Variants in NAALADL2 observed in about 807,000 individuals in gnomAD.
NAALADL2 encodes the protein inactive N-acetylated-alpha-linked acidic dipeptidase-like protein 2.
Under a neutral mutation model 87.2 loss-of-function variants are expected in NAALADL2, and 76 were observed. That is an observed-to-expected ratio of 0.87 (90% confidence interval 0.72 to 1.05). The LOEUF is 1.05. Ranked by LOEUF, NAALADL2 falls within the 50% of genes least tolerant of loss-of-function variation. NAALADL2 has a pLI of 0.00. For missense variants in NAALADL2, 1,089 were observed against 945.8 expected (o/e 1.15, Z -1.99); for synonymous variants, 354 against 331.0 (o/e 1.07, Z -0.75).
intron 4 of NAALADL2, among the ~76,000 whole-genome samples, chr3:175,283,249 G>A (rs1328799407): frequency 6.6e-6 from 1 of 152,070 alleles, no homozygotes; most frequent in Non-Finnish European, 1.5e-5. Flanking sequence ...CGTTTACCGA[G>A]TGACCAGGTA....
chr3:174,770,493 A>C (rs1714395202), intron 3 of NAALADL2, among the ~76,000 whole-genome samples: 1 of 152,208 alleles, frequency 6.6e-6, no homozygotes, highest in Non-Finnish European at 1.5e-5. Flanking sequence ...AAGCAATGCA[A>C]AATGCGAGCT....
chr3:175,578,230 T>C (rs755657487), intron 10 of NAALADL2, among the ~76,000 whole-genome samples: 41 of 152,100 alleles, frequency 2.7e-4, no homozygotes, highest in Non-Finnish European at 5.4e-4. Flanking sequence ...GTTTGATACC[T>C]GGGCAACACG....
intron 13 of NAALADL2, among the ~76,000 whole-genome samples, chr3:175,781,400 T>C (rs570158148): frequency 3.1e-4 from 47 of 152,282 alleles, no homozygotes; most frequent in African/African-American, 1.1e-3. Context: ...GAACAATGCA[T>C]GACTCATGTG....
intron 1 of NAALADL2, among the ~76,000 whole-genome samples, chr3:174,963,471 T>A (rs1742422879): frequency 6.6e-6 from 1 of 152,078 alleles, no homozygotes; most frequent in Non-Finnish European, 1.5e-5. Flanking sequence ...TAGATGCATG[T>A]TTCACTCTTT....
intron 1 of NAALADL2, among the ~76,000 whole-genome samples, chr3:174,955,188 A>G (rs958299413): frequency 6.6e-6 from 1 of 152,028 alleles, no homozygotes; most frequent in Non-Finnish European, 1.5e-5. Context: ...CTTATACATA[A>G]ACTTTTCTTG....
intron 1 of NAALADL2, among the ~76,000 whole-genome samples, chr3:174,977,227 G>A (rs938928423): frequency 1.3e-4 from 20 of 152,128 alleles, no homozygotes; most frequent in Admixed American, 3.3e-4. Flanking sequence ...GTTTCCGGGG[G>A]CTGGAGGCAG....
At chr3:174,541,807 G>T (rs1171849061) in intron 1 of NAALADL2, among the ~76,000 whole-genome samples, 6 of 152,200 alleles carry the variant, frequency 3.9e-5, no homozygotes, top group African/African-American at 1.4e-4. Context: ...TGCTGATGAT[G>T]CAGGGCAGAT....
At chr3:175,692,715 C>T (rs114603552) in intron 11 of NAALADL2, among the ~76,000 whole-genome samples, 30 of 152,072 alleles carry the variant, frequency 2.0e-4, no homozygotes, top group Non-Finnish European at 3.7e-4. Flanking sequence ...CAGCTGAGAA[C>T]TTGAAGATAA....
chr3:175,474,249 C>T (rs377724747), intron 9 of NAALADL2, among the ~76,000 whole-genome samples: 1 of 152,086 alleles, frequency 6.6e-6, no homozygotes, highest in Non-Finnish European at 1.5e-5. Flanking sequence ...CAAAAGATTT[C>T]ATCAAGTTCA....
chr3:174,741,566 G>A (rs1031622387), intron 3 of NAALADL2, among the ~76,000 whole-genome samples: 2 of 151,350 alleles, frequency 1.3e-5, no homozygotes, highest in African/African-American at 2.4e-5. Context: ...CAGAGGACAA[G>A]CTTGTAGCGG....
intron 2 of NAALADL2, among the ~76,000 whole-genome samples, chr3:174,562,733 T>C (rs1034151506): frequency 3.3e-5 from 5 of 151,994 alleles, no homozygotes; most frequent in African/African-American, 1.2e-4. Flanking sequence ...TACAATTTTG[T>C]TTGGCATCTT....
intron 1 of NAALADL2, among the ~76,000 whole-genome samples, chr3:175,089,990 G>C (rs113932630): frequency 1.3e-5 from 2 of 152,020 alleles, no homozygotes; most frequent in African/African-American, 4.8e-5. Flanking sequence ...GTTTGTGACT[G>C]TATTTATCTC....
intron 2 of NAALADL2, among the ~76,000 whole-genome samples, chr3:175,103,427 G>A (rs1469695773): frequency 6.6e-6 from 1 of 151,946 alleles, no homozygotes; most frequent in Non-Finnish European, 1.5e-5. Context: ...CTTTACCATT[G>A]ACACTATTTG....
intron 2 of NAALADL2, among the ~76,000 whole-genome samples, chr3:175,190,115 A>T (rs1737922421): frequency 6.6e-6 from 1 of 151,860 alleles, no homozygotes; most frequent in South Asian, 2.1e-4. Flanking sequence ...GGAAGAGTAC[A>T]TAGGGGAAAA....
At chr3:175,338,339 C>A (rs906240511) in intron 5 of NAALADL2, among the ~76,000 whole-genome samples, 3 of 151,812 alleles carry the variant, frequency 2.0e-5, no homozygotes, top group Non-Finnish European at 4.4e-5. Flanking sequence ...TGTGAGTGAT[C>A]CCAAACCTTT....
chr3:175,090,077 A>G (rs1719794167), intron 1 of NAALADL2, among the ~76,000 whole-genome samples: 1 of 152,148 alleles, frequency 6.6e-6, no homozygotes, highest in African/African-American at 2.4e-5. Context: ...AGAAGTAAGT[A>G]CAGTAAATAC....
intron 9 of NAALADL2, among the ~76,000 whole-genome samples, chr3:175,482,901 A>T (rs1350081508): frequency 2.6e-5 from 4 of 151,712 alleles, no homozygotes; most frequent in Non-Finnish European, 5.9e-5. Context: ...AGATGTGGGG[A>T]ATTAACTTTT....
chr3:174,596,860 C>T lies in NAALADL2; in HGVS notation c.-115+46223C>T, dbSNP rs144492200. Among the ~76,000 whole-genome samples the T allele has an allele frequency of 5.3e-5, 8 of 152,226 alleles. No individual in the cohort carries two copies. The East Asian group carries it at 1.6e-3, about 30-fold the overall frequency. On this transcript the variant is annotated intron_variant, in intron 2 of 3. Transcript: ENST00000434257. ...TTAATGTCCCAAAGGAATGCCTTGC[C>T]CATGGCCAGTCAGTGATGGAGGTGA...
At chr3:175,380,474 G>A (rs186025694) in intron 5 of NAALADL2, among the ~76,000 whole-genome samples, 23 of 151,640 alleles carry the variant, frequency 1.5e-4, no homozygotes, top group East Asian at 7.8e-4. Context: ...ATTTTTTTCC[G>A]CAAAGAATTA....
Sources: allele counts gnomAD v4.1 joint callset (sites outside exome capture counted in the v4.1 genomes callset), GRCh38; gene constraint gnomAD v4.1.1; transcripts MANE v1.5; gene names NCBI Gene and HGNC (gene_info 2026-07-23, HGNC 2026-07-21).